NIPSNAP2: variants seen among roughly 807,000 people sequenced by gnomAD.
NIPSNAP2 encodes the protein nipsnap homolog 2, also known as protein NipSnap homolog 2.
In NIPSNAP2, 42 loss-of-function variants were observed where a neutral mutation model predicts 48.4. The ratio of observed to expected loss-of-function variants is 0.87; its 90% CI spans 0.68 to 1.12. The LOEUF (loss-of-function observed/expected upper bound fraction) is 1.12, where lower values mean the gene tolerates loss of function less well. Ranked by LOEUF, NIPSNAP2 falls within the 50% of genes most tolerant of loss-of-function variation. NIPSNAP2 has a pLI of 0.00. For synonymous variants in NIPSNAP2, 158 were observed against 126.6 expected (o/e 1.25, Z -1.67); for missense variants, 314 against 347.3 (o/e 0.90, Z 0.76).
chr7:55,980,415 G>A (rs371489535), intron 3 of NIPSNAP2: 2 of 152,600 alleles, frequency 1.3e-5, no homozygotes, highest in South Asian at 2.1e-4. Context: ...CATACCCTTG[G>A]TCCTGTAGCC....
Position 55,999,274 on chromosome 7 carries a change from G to A in NIPSNAP2, c.*202G>A. ...GTTGGACTGATTGTGACAGTGCCTT[G>A]TCGTCCTCTTTGAAACACCCCGTGT... On this transcript the variant is annotated 3_prime_UTR_variant, in exon 10 of 10. Transcript: ENST00000322090. 1.7e-6 allele frequency: 1 copy of A among 582,460 alleles called. No homozygotes were observed. Among genetic ancestry groups the A allele is most frequent in the Non-Finnish European group, 3.0e-6 (1 of 330,262 alleles). The allele number at this position is 582,460 out of a possible 1,614,324, so 36.1% of individuals were successfully genotyped here.
intron 8 of NIPSNAP2, among the ~76,000 whole-genome samples, chr7:55,997,119 A>G (rs1175833035): frequency 1.3e-5 from 2 of 151,060 alleles, no homozygotes; most frequent in Non-Finnish European, 2.9e-5. Flanking sequence ...TCATCGTGCC[A>G]TTGCGCTCCA....
At chr7:55,995,346 C>G (rs1787540101) in intron 8 of NIPSNAP2, among the ~76,000 whole-genome samples, 1 of 152,186 alleles carries the variant, frequency 6.6e-6, no homozygotes, top group Non-Finnish European at 1.5e-5. Context: ...CTGCATTTTA[C>G]CCAGAGCAGC....
intron 8 of NIPSNAP2, among the ~76,000 whole-genome samples, chr7:55,996,538 C>T (rs1270950327): frequency 6.6e-6 from 1 of 152,152 alleles, no homozygotes; most frequent in Non-Finnish European, 1.5e-5. Context: ...CCTCGCCTGC[C>T]TCATATCCTG....
At position 55,983,822 on chromosome 7, in the gene NIPSNAP2, C is replaced by G; in HGVS notation, c.539C>G (p.Pro180Arg). ...LEFSFWNEPV[P>R]RSGPNIYELR... ...TTCAGTTTCTGGAATGAGCCTGTGC[C>G]AAGATCCGGACCTAATATATATGAA... The change falls in exon 6 of 10, where the codon CCA (proline) becomes CGA (arginine). Residue 180 changes from proline (P) to arginine (R), a missense_variant. By Grantham distance (103) the Pro-to-Arg change is moderately radical. Transcript: ENST00000322090. The G allele has an allele frequency of 6.2e-7, 1 of 1,613,948 alleles. No individual in the cohort carries two copies.
chr7:55,984,296 C>T (rs780498907), intron 6 of NIPSNAP2, among the ~76,000 whole-genome samples: 1 of 152,146 alleles, frequency 6.6e-6, no homozygotes, highest in African/African-American at 2.4e-5. Flanking sequence ...CACATAGCAG[C>T]ATTATTAAAG....
intron 8 of NIPSNAP2, among the ~76,000 whole-genome samples, chr7:55,995,405 G>A (rs1163226022): frequency 6.6e-6 from 1 of 152,160 alleles, no homozygotes; most frequent in East Asian, 1.9e-4. Flanking sequence ...TGGTTCCACT[G>A]TCTCATGACA....
intron 7 of NIPSNAP2, among the ~76,000 whole-genome samples, chr7:55,993,431 T>C (rs1394686938): frequency 6.6e-6 from 1 of 151,640 alleles, no homozygotes; most frequent in Admixed American, 6.6e-5. Context: ...TACAAAAAAT[T>C]AGCCAGACGT....
intron 8 of NIPSNAP2, 30 bp from the exon 9 acceptor site, chr7:55,997,336 G>T: frequency 6.5e-7 from 1 of 1,535,564 alleles, no homozygotes. Flanking sequence ...TGTGTTTTAA[G>T]TCTTACTTCT....
Position 55,983,953 on chromosome 7 carries a change from G to A in NIPSNAP2, c.585+85G>A, listed in dbSNP as rs1787274583. 5 of 1,227,348 alleles carry A rather than the reference G, an allele frequency of 4.1e-6. No individual in the cohort carries two copies. In the South Asian group the frequency reaches 5.4e-5, roughly 13 times the overall value. 76.0% of individuals were successfully genotyped at this position (1,227,348 alleles called of 1,614,324 possible). A position where few individuals can be genotyped will look rare whatever the true frequency, so the allele number is the denominator to read the frequency against. The stretch of plus-strand genomic sequence containing the variant: ...GTAAGGCTGACAACAGAACTTGTGT[G>A]TACATTCTGTGATGTATGTCTAGCA... On this transcript the variant is annotated intron_variant, in intron 6 of 9. Transcript: ENST00000322090.
At chr7:55,993,366 G>A (rs1006666718) in intron 7 of NIPSNAP2, among the ~76,000 whole-genome samples, 14 of 150,986 alleles carry the variant, frequency 9.3e-5, no homozygotes, top group Admixed American at 4.0e-4. Flanking sequence ...AGGCCGAAGC[G>A]GGGCAGATCG....
At chr7:55,987,720 T>C (rs1787361058) in intron 7 of NIPSNAP2, among the ~76,000 whole-genome samples, 2 of 152,142 alleles carry the variant, frequency 1.3e-5, no homozygotes, top group Admixed American at 1.3e-4. Context: ...GGACAAATAG[T>C]GTATCATTCT....
chr7:55,983,634 C>A, intron 5 of NIPSNAP2, 94 bp from the exon 6 acceptor site: 1 of 1,315,016 alleles, frequency 7.6e-7, no homozygotes, highest in South Asian at 1.3e-5. Flanking sequence ...GTTGATTACC[C>A]TATTATAGTA....
At chr7:55,975,244 T>G (rs1787086063) in intron 1 of NIPSNAP2, among the ~76,000 whole-genome samples, 1 of 152,026 alleles carries the variant, frequency 6.6e-6, no homozygotes, top group Non-Finnish European at 1.5e-5. Context: ...TCCCAGCTAA[T>G]CTGGAGGCTG....
intron 9 of NIPSNAP2, 120 bp from the exon 10 acceptor site, chr7:55,998,885 TATG>T: frequency 1.2e-6 from 1 of 825,598 alleles, no homozygotes; most frequent in East Asian, 2.5e-5. Context: ...TCCTGTATAT[TATG>T]ATATTCTCTT....
intron 3 of NIPSNAP2, chr7:55,980,235 G>T: frequency 5.7e-6 from 1 of 176,786 alleles, no homozygotes; most frequent in Non-Finnish European, 1.2e-5. Flanking sequence ...AAAAGTAAAT[G>T]CTACTCTTCC....
chr7:55,978,295 T>G, intron 2 of NIPSNAP2, 30 bp downstream of exon 2: 1 of 1,613,080 alleles, frequency 6.2e-7, no homozygotes, highest in Non-Finnish European at 8.5e-7. Flanking sequence ...TCTTCATAGT[T>G]GACTTTTTTT....
At chr7:55,968,617 C>T (rs149022004) in intron 1 of NIPSNAP2, among the ~76,000 whole-genome samples, 3,265 of 152,252 alleles carry the variant, frequency 0.021, 64 homozygotes, top group Non-Finnish European at 0.031. Context: ...GATCTCCTGA[C>T]CTCGTGATCT....
intron 8 of NIPSNAP2, among the ~76,000 whole-genome samples, chr7:55,996,242 C>A (rs1787560845): frequency 6.7e-6 from 1 of 149,380 alleles, no homozygotes; most frequent in African/African-American, 2.5e-5. Flanking sequence ...GCCGAGATCG[C>A]ACCACTGCAT....
Sources: gnomAD v4.1 joint callset for allele counts (sites outside exome capture counted in the v4.1 genomes callset) on GRCh38, gnomAD v4.1.1 for gene constraint, MANE v1.5 for transcripts, NCBI Gene and HGNC (gene_info 2026-07-23, HGNC 2026-07-21) for gene names.